UBE3C: variants seen among roughly 807,000 people sequenced by gnomAD.
UBE3C encodes ubiquitin protein ligase E3C, also known as ubiquitin-protein ligase E3C.
A neutral mutation model predicts 129.4 loss-of-function variants in UBE3C; 42 were observed. The observed-to-expected ratio is 0.32, with a 90% CI of 0.25 to 0.42. UBE3C has a LOEUF of 0.42. UBE3C is among the 10% of genes least tolerant of loss of function. The pLI, the probability that UBE3C is intolerant of heterozygous loss-of-function variation, is 1.00. For missense variants in UBE3C, 1,049 were observed against 1,319.1 expected, an observed-to-expected ratio of 0.80 and a Z score of 3.17; for synonymous variants, 510 against 492.4, an observed-to-expected ratio of 1.04 and a Z score of -0.47.
intron 13 of UBE3C, among the ~76,000 whole-genome samples, chr7:157,214,175 T>G (rs1250877049): frequency 6.6e-6 from 1 of 152,166 alleles, no homozygotes; most frequent in African/African-American, 2.4e-5. Flanking sequence ...TGGTAACATG[T>G]GATTACTTCT....
rs1016589540 is a variant in UBE3C, at chr7:157,181,344, G to GT, written c.617-171dup. 3.6e-4 allele frequency among the ~76,000 whole-genome samples: 55 copies of GT among 152,180 alleles called. 2 individuals are homozygous for GT. Among genetic ancestry groups the GT allele is most frequent in the Admixed American group, 3.1e-3 (48 of 15,280 alleles). On this transcript the variant is annotated intron_variant, in intron 6 of 22. Transcript: ENST00000348165. ...TAGTTGACAGTTGTTGGTACATGAG[G>GT]TTTGTATACCGTTCGGCTGCCTATA...
At chr7:157,250,625 G>A (rs1796597932) in intron 19 of UBE3C, among the ~76,000 whole-genome samples, 2 of 152,162 alleles carry the variant, frequency 1.3e-5, no homozygotes, top group Admixed American at 1.3e-4. Context: ...GCCTGTCCAA[G>A]AGCCATATTT....
At chr7:157,250,007 T>G (rs1796581572) in intron 19 of UBE3C, among the ~76,000 whole-genome samples, 1 of 152,112 alleles carries the variant, frequency 6.6e-6, no homozygotes, top group Admixed American at 6.5e-5. Context: ...ATTCCAAAAT[T>G]TGGGGGGAAA....
chr7:157,184,374 G>A (rs1024463869), intron 9 of UBE3C, among the ~76,000 whole-genome samples: 2 of 152,124 alleles, frequency 1.3e-5, no homozygotes, highest in African/African-American at 4.8e-5. Context: ...TGTGAACACC[G>A]GGTAGTGTCT....
chr7:157,154,211 C>T (rs1322369005), intron 1 of UBE3C, among the ~76,000 whole-genome samples: 1 of 151,656 alleles, frequency 6.6e-6, no homozygotes, highest in African/African-American at 2.4e-5. Flanking sequence ...ATCCCAGCAA[C>T]TTGGGAGACT....
At position 157,181,501 on chromosome 7, in the gene UBE3C, T is replaced by C. The variant is rs771587307; in HGVS notation, c.617-17T>C. 4 of 1,545,044 alleles carry C rather than the reference T, an allele frequency of 2.6e-6. No individual in the cohort carries two copies. Among genetic ancestry groups the C allele is most frequent in the Non-Finnish European group, 2.6e-6 (3 of 1,153,420 alleles). The stretch of plus-strand genomic sequence containing the variant: ...AGGAAAAGGCACTAAATTTTAAATA[T>C]GTGTTTTTCCTTTTAGGGTATTATA... On this transcript the variant is annotated splice_polypyrimidine_tract_variant and intron_variant, in intron 6 of 22. Transcript: ENST00000348165.
chr7:157,197,553 C>A, intron 10 of UBE3C: 4 of 1,198,904 alleles, frequency 3.3e-6, no homozygotes, highest in Non-Finnish European at 3.6e-6. Flanking sequence ...CTTATTAATA[C>A]GACACATCAT....
intron 6 of UBE3C, 66 bp from the exon 7 acceptor site, chr7:157,181,452 T>C (rs1197133176): frequency 7.0e-7 from 1 of 1,431,952 alleles, no homozygotes; most frequent in East Asian, 2.4e-5. Flanking sequence ...CATTTAAAAA[T>C]TGGCAAGTTT....
chr7:157,143,818 G>A (rs1415777873), intron 1 of UBE3C, among the ~76,000 whole-genome samples: 2 of 152,182 alleles, frequency 1.3e-5, no homozygotes, highest in Non-Finnish European at 2.9e-5. Context: ...CAACAGAATG[G>A]TGGCTTCGAA....
intron 18 of UBE3C, among the ~76,000 whole-genome samples, chr7:157,243,972 C>T (rs753932775): frequency 1.7e-4 from 26 of 152,116 alleles, no homozygotes; most frequent in African/African-American, 3.1e-4. Context: ...TGGCTCACAC[C>T]TGTAATCCCA....
At chr7:157,155,670 C>T (rs1807883226) in intron 1 of UBE3C, among the ~76,000 whole-genome samples, 1 of 152,160 alleles carries the variant, frequency 6.6e-6, no homozygotes, top group Non-Finnish European at 1.5e-5. Flanking sequence ...GTGAAGAAAG[C>T]ATTTTCCCCC....
chr7:157,230,230 A>G (rs1795985926), intron 17 of UBE3C, among the ~76,000 whole-genome samples: 1 of 152,030 alleles, frequency 6.6e-6, no homozygotes, highest in Non-Finnish European at 1.5e-5. Context: ...CTTCGTAGCA[A>G]ATTATATAAC....
At position 157,248,431 on chromosome 7, in the gene UBE3C, G is replaced by A; in HGVS notation, c.2545G>A (p.Gly849Arg). 9.3e-6 allele frequency: 15 copies of A among 1,613,652 alleles called. No individual in the cohort carries two copies. Among genetic ancestry groups the A allele is most frequent in the Non-Finnish European group, 1.3e-5 (15 of 1,180,030 alleles). The change falls in exon 19 of 23, where the codon GGA (glycine) becomes AGA (arginine). Residue 849 changes from glycine (G) to arginine (R), a missense_variant. Gly to Arg is a moderately radical substitution (Grantham distance 125, BLOSUM62 -2). Transcript: ENST00000348165. ...AGGCTTCTTTCTTTCCAAGTTGCTT[G>A]GAACCAGTGCCGACGTGGACATTCA... is the stretch of plus-strand genomic sequence containing the variant. Reference protein sequence around the residue: ...FAGFFLSKLLGTSADVDIHHL... With the variant: ...FAGFFLSKLLRTSADVDIHHL...
chr7:157,230,016 C>G (rs1278903439), intron 17 of UBE3C, among the ~76,000 whole-genome samples: 1 of 152,016 alleles, frequency 6.6e-6, no homozygotes, highest in Non-Finnish European at 1.5e-5. Context: ...TCAAGTGATT[C>G]TCCGGCCTCA....
intron 10 of UBE3C, chr7:157,188,982 T>C: frequency 4.8e-6 from 3 of 620,400 alleles, no homozygotes; most frequent in Admixed American, 2.3e-5. Context: ...CTTTGTACCC[T>C]GACATGGAAA....
intron 18 of UBE3C, among the ~76,000 whole-genome samples, chr7:157,234,467 C>T (rs1324138743): frequency 6.6e-6 from 1 of 152,146 alleles, no homozygotes; most frequent in Non-Finnish European, 1.5e-5. Flanking sequence ...TGTAGCTTTG[C>T]AGTATGGGGT....
At chr7:157,184,919 G>T (rs865902238) in intron 9 of UBE3C, among the ~76,000 whole-genome samples, 1 of 152,194 alleles carries the variant, frequency 6.6e-6, no homozygotes, top group Non-Finnish European at 1.5e-5. Context: ...TGGCTGAGGG[G>T]TGGGCTGATG....
chr7:157,158,796 G>T (rs1375032551), intron 1 of UBE3C, among the ~76,000 whole-genome samples: 1 of 152,032 alleles, frequency 6.6e-6, no homozygotes, highest in Non-Finnish European at 1.5e-5. Flanking sequence ...TAGAAGAAAT[G>T]CTTTAAAATC....
intron 13 of UBE3C, among the ~76,000 whole-genome samples, chr7:157,214,332 AAT>A (rs1809676877): frequency 6.6e-6 from 1 of 152,180 alleles, no homozygotes; most frequent in African/African-American, 2.4e-5. Flanking sequence ...ATCTGTAGAA[AAT>A]ATATGTTCTT....
Sources: gnomAD v4.1 joint callset for allele counts (sites outside exome capture counted in the v4.1 genomes callset) on GRCh38, gnomAD v4.1.1 for gene constraint, MANE v1.5 for transcripts, NCBI Gene and HGNC (gene_info 2026-07-23, HGNC 2026-07-21) for gene names.